The following DSG2 variants were observed in gnomAD, a reference collection of about 807,000 sequenced individuals.
The protein encoded by DSG2 is desmoglein 2.
A neutral mutation model predicts 75.6 loss-of-function variants in DSG2; 45 were observed. The observed-to-expected ratio is 0.60, with a 90% CI of 0.47 to 0.76. The LOEUF is 0.76. Ranked by LOEUF, DSG2 falls within the 30% of genes least tolerant of loss-of-function variation. DSG2 has a pLI of 0.00. For missense variants in DSG2, 1,267 were observed against 1,357.4 expected (o/e 0.93, Z 1.05); for synonymous variants, 429 against 483.9 (o/e 0.89, Z 1.49).
chr18:31,506,544 CAG>C (rs1455840276), intron 1 of DSG2, among the ~76,000 whole-genome samples: 5 of 152,218 alleles, frequency 3.3e-5, no homozygotes, highest in Non-Finnish European at 7.3e-5. Context: ...GCCTTACTGA[CAG>C]GCCAGTGCCA....
At chr18:31,516,112 A>C (rs997894581) in intron 1 of DSG2, among the ~76,000 whole-genome samples, 2 of 152,000 alleles carry the variant, frequency 1.3e-5, no homozygotes, top group Non-Finnish European at 2.9e-5. Flanking sequence ...AGAGCAATAG[A>C]TTGTTAACAG....
intron 1 of DSG2, among the ~76,000 whole-genome samples, chr18:31,500,828 A>C (rs541012191): frequency 5.3e-5 from 8 of 152,268 alleles, no homozygotes; most frequent in Non-Finnish European, 7.3e-5. Flanking sequence ...CAATCCATCA[A>C]CTCCCAAATG....
chr18:31,541,329 T>G lies in DSG2; in HGVS notation c.2001+15T>G. ...CTGAAGACAAGGTCAGTGGATCAGATGTCAATATGACTTGTCTTCTTCTTG... is the reference window on the plus strand; with the variant it reads ...CTGAAGACAAGGTCAGTGGATCAGAGGTCAATATGACTTGTCTTCTTCTTG... On this transcript the variant is annotated intron_variant, in intron 13 of 14. Coordinates refer to ENST00000261590, the MANE Select transcript of DSG2 (RefSeq NM_001943.5). The G allele has an allele frequency of 1.2e-6, 2 of 1,613,862 alleles. No individual in the cohort carries two copies. The highest frequency in any genetic ancestry group is 1.7e-6 in the Non-Finnish European group (2 of 1,179,876).
At chr18:31,519,241 A>C (rs2073112631) in intron 2 of DSG2, among the ~76,000 whole-genome samples, 1 of 152,178 alleles carries the variant, frequency 6.6e-6, no homozygotes, top group African/African-American at 2.4e-5. Flanking sequence ...CACTCTGGGA[A>C]ATCATTTCTT....
Position 31,524,476 on chromosome 18 carries a change from A to C in DSG2, c.719A>C (p.Glu240Ala), listed in dbSNP as rs2073148766. ...EEHSSYTLTV[E>A]ARDGNGEVTD... ...CACAGCAGCTACACTTTGACAGTAGAAGCAAGAGATGGCAATGGAGAAGTT... is the reference window on the plus strand; with the variant it reads ...CACAGCAGCTACACTTTGACAGTAGCAGCAAGAGATGGCAATGGAGAAGTT... Residue 240 changes from glutamate (E) to alanine (A), a missense_variant, in exon 7 of 15, where the codon GAA (glutamate) becomes GCA (alanine). Transcript: ENST00000261590. 2 of 1,614,154 alleles carry C rather than the reference A, an allele frequency of 1.2e-6. No homozygotes were observed. The highest frequency in any genetic ancestry group is 1.7e-6 in the Non-Finnish European group (2 of 1,180,014).
intron 11 of DSG2, among the ~76,000 whole-genome samples, chr18:31,537,558 G>T (rs188729120): frequency 0.015 from 2,209 of 152,004 alleles, 22 homozygotes; most frequent in Middle Eastern, 0.034. Flanking sequence ...GGCAGAGCTT[G>T]CAGTGAGCCG....
Position 31,536,263 on chromosome 18 carries a change from C to T in DSG2, c.1485C>T (p.Asn495=). Residue 495 remains asparagine, a synonymous_variant, in exon 11 of 15, where the codon AAC becomes AAT. Coordinates refer to ENST00000261590, the MANE Select transcript of DSG2 (RefSeq NM_001943.5). ...TCAATGTTGAAGACATCAACGACAACTGTCCCACACTGATAGAGCCTGTGC... is the reference window on the plus strand; with the variant it reads ...TCAATGTTGAAGACATCAACGACAATTGTCCCACACTGATAGAGCCTGTGC... ...VLINVEDIND[N]CPTLIEPVQT... 1.2e-6 allele frequency: 2 copies of T among 1,614,212 alleles called. No individual in the cohort carries two copies. Among genetic ancestry groups the T allele is most frequent in the Non-Finnish European group, 1.7e-6 (2 of 1,180,042 alleles).
At chr18:31,520,078 T>C in intron 3 of DSG2, 141 bp downstream of exon 3, 1 of 1,112,124 alleles carries the variant, frequency 9.0e-7, no homozygotes, top group Non-Finnish European at 1.3e-6. Context: ...ATCTGAAAAT[T>C]AGCAGAGCTT....
chr18:31,542,917 T>C, intron 14 of DSG2, 65 bp downstream of exon 14: 2 of 1,081,946 alleles, frequency 1.8e-6, no homozygotes, highest in Non-Finnish European at 1.3e-6. Flanking sequence ...GAATGTGATA[T>C]TATTAGGGTA....
At chr18:31,525,739 T>G (rs1483066580) in intron 8 of DSG2, among the ~76,000 whole-genome samples, 8 of 152,186 alleles carry the variant, frequency 5.3e-5, no homozygotes, top group African/African-American at 1.9e-4. Flanking sequence ...ATTCTAATAT[T>G]AGTATGAGGC....
At chr18:31,545,026 CAG>C (rs2073295427) in intron 14 of DSG2, among the ~76,000 whole-genome samples, 3 of 152,168 alleles carry the variant, frequency 2.0e-5, no homozygotes, top group Admixed American at 1.3e-4. Context: ...ATTAGCTTAA[CAG>C]GGATGTGGGT....
intron 1 of DSG2, among the ~76,000 whole-genome samples, chr18:31,510,718 T>A (rs935407800): frequency 2.0e-5 from 3 of 152,242 alleles, no homozygotes; most frequent in African/African-American, 7.2e-5. Context: ...ATACTTTTTT[T>A]AGAGTTTAGC....
At chr18:31,517,246 T>C (rs1202805860) in intron 1 of DSG2, among the ~76,000 whole-genome samples, 2 of 152,138 alleles carry the variant, frequency 1.3e-5, no homozygotes, top group Admixed American at 1.3e-4. Flanking sequence ...AATAGAATGA[T>C]AGAATCCAGA....
rs953528848 is a variant in DSG2, at chr18:31,521,081, T to C, written c.379-18T>C. The stretch of plus-strand genomic sequence containing the variant: ...TTTTCTTAGCTTAAATCTAATCTTA[T>C]TTATGTCATGATTTCAGCTAACAGG... On this transcript the variant is annotated intron_variant, in intron 4 of 14. Coordinates refer to ENST00000261590, the MANE Select transcript of DSG2 (RefSeq NM_001943.5). 3 of 1,613,716 alleles carry C rather than the reference T, an allele frequency of 1.9e-6. No homozygotes were observed. Among genetic ancestry groups the C allele is most frequent in the African/African-American group, 1.3e-5 (1 of 74,914 alleles).
chr18:31,498,203 GGCGGCGGCGCGGAGCGGT>G lies in DSG2; in HGVS notation c.-39_-22del, dbSNP rs1598799021. Reference sequence around the variant, plus strand: ...AGGAGCCGAGTGCGCGCTCGGGGCAGGCGGCGGCGCGGAGCGGTGCGGCGGCGGGAGGCGGAGGCGAGG... The same window carrying G: ...AGGAGCCGAGTGCGCGCTCGGGGCAGGCGGCGGCGGGAGGCGGAGGCGAGG... On this transcript the variant is annotated 5_prime_UTR_variant, in exon 1 of 15. Coordinates refer to ENST00000261590, the MANE Select transcript of DSG2 (RefSeq NM_001943.5). 3 of 1,233,666 alleles carry G rather than the reference GGCGGCGGCGCGGAGCGGT, an allele frequency of 2.4e-6. No individual in the cohort carries two copies. The highest frequency in any genetic ancestry group is 3.2e-5 in the East Asian group (1 of 30,834). 76.4% of individuals were successfully genotyped at this position (1,233,666 alleles called of 1,614,324 possible). A position where few individuals can be genotyped will look rare whatever the true frequency, so the allele number is the denominator to read the frequency against.
chr18:31,513,176 G>A (rs1424241136), intron 1 of DSG2, among the ~76,000 whole-genome samples: 1 of 152,190 alleles, frequency 6.6e-6, no homozygotes, highest in Non-Finnish European at 1.5e-5. Flanking sequence ...TCAATCGTAA[G>A]AAAAAGTTTA....
chr18:31,505,041 A>G (rs1303424477), intron 1 of DSG2, among the ~76,000 whole-genome samples: 2 of 152,162 alleles, frequency 1.3e-5, no homozygotes, highest in African/African-American at 4.8e-5. Context: ...CAGTACTGCC[A>G]AAAAATCTTC....
chr18:31,502,892 TTCAC>T (rs1257926607), intron 1 of DSG2, among the ~76,000 whole-genome samples: 4 of 152,240 alleles, frequency 2.6e-5, no homozygotes, highest in Admixed American at 2.6e-4. Flanking sequence ...TCCCTTGTCT[TTCAC>T]TCTGACACAG....
Position 31,546,149 on chromosome 18 carries a change from T to C in DSG2, c.2763T>C (p.Ala921=). The C allele has an allele frequency of 1.2e-6, 2 of 1,614,204 alleles. No homozygotes were observed. The highest frequency in any genetic ancestry group is 1.7e-5 in the Admixed American group (1 of 60,020). ...CTTCTAGGCAGGCGCAAAAGGTAGC[T>C]ACACCTCTTCCTGACCCAATGGCTT... ...SVSSRQAQKV[A]TPLPDPMASR... is the part of the protein sequence containing the mutation. Residue 921 remains alanine, a synonymous_variant, in exon 15 of 15, where the codon GCT becomes GCC. Coordinates refer to ENST00000261590, the MANE Select transcript of DSG2 (RefSeq NM_001943.5).
Sources: allele counts gnomAD v4.1 joint callset (sites outside exome capture counted in the v4.1 genomes callset), GRCh38; gene constraint gnomAD v4.1.1; transcripts MANE v1.5; gene names NCBI Gene and HGNC (gene_info 2026-07-23, HGNC 2026-07-21).